Variants in TMEM213 observed in about 807,000 individuals in gnomAD.
TMEM213 encodes transmembrane protein 213.
A neutral mutation model predicts 11.6 loss-of-function variants in TMEM213; 7 were observed. That is an observed-to-expected ratio of 0.60 (90% CI 0.34 to 1.13). The LOEUF (loss-of-function observed/expected upper bound fraction) is 1.13, where lower values mean the gene tolerates loss of function less well. Ranked by LOEUF, TMEM213 falls within the 50% of genes most tolerant of loss-of-function variation. TMEM213 has a pLI of 0.03. For synonymous variants in TMEM213, 60 were observed against 58.3 expected, an observed-to-expected ratio of 1.03 and a Z score of -0.13; for missense variants, 129 against 139.0, an observed-to-expected ratio of 0.93 and a Z score of 0.36.
In TMEM213 at chr7:138,806,715, T is replaced by A. The variant is rs1279627713; in HGVS notation, c.*3646T>A. On this transcript the variant is annotated 3_prime_UTR_variant, in exon 3 of 3. Transcript: ENST00000442682. ...CAGAGTCCATATTATATGGGGCATG[T>A]CTGTATCAAAATGTCATATGTAGAA... 6.6e-6 allele frequency: 1 copy of A among 152,278 alleles called. No homozygotes were observed. The highest frequency in any genetic ancestry group is 1.5e-5 in the Non-Finnish European group (1 of 68,054). 9.4% of individuals were successfully genotyped at this position (152,278 alleles called of 1,614,324 possible).
At chr7:138,799,277 C>T (rs1263387376) in intron 1 of TMEM213, 1 of 152,134 alleles carries the variant, frequency 6.6e-6, no homozygotes, top group Admixed American at 6.5e-5. Context: ...CAACTTCACC[C>T]CTCCCCAAAT....
At position 138,803,574 on chromosome 7, in the gene TMEM213, T is replaced by G. The variant is rs971033655; in HGVS notation, c.*505T>G. On this transcript the variant is annotated 3_prime_UTR_variant, in exon 3 of 3. Transcript: ENST00000442682. ...GGGCAGATCACTCAAGGTCAGGAGTTCCAGATCAGCCTGGCCAACATGGTG... is the reference window on the plus strand; with the variant it reads ...GGGCAGATCACTCAAGGTCAGGAGTGCCAGATCAGCCTGGCCAACATGGTG... 6.3e-6 allele frequency: 1 copy of G among 159,940 alleles called. No individual in the cohort carries two copies. The highest frequency in any genetic ancestry group is 1.4e-5 in the Non-Finnish European group (1 of 72,782). 9.9% of individuals were successfully genotyped at this position (159,940 alleles called of 1,614,324 possible).
At position 138,805,196 on chromosome 7, in the gene TMEM213, G is replaced by A. The variant is rs2130272962; in HGVS notation, c.*2127G>A. On this transcript the variant is annotated 3_prime_UTR_variant, in exon 3 of 3. Coordinates refer to ENST00000442682, the MANE Select transcript of TMEM213 (RefSeq NM_001085429.2). Reference sequence around the variant, plus strand: ...AATGATCACATACATAAAAGAGTCTGAGCCTGAGCAACATAATGAGACCCT... The same window carrying A: ...AATGATCACATACATAAAAGAGTCTAAGCCTGAGCAACATAATGAGACCCT... 1 of 144,966 alleles carries A rather than the reference G, an allele frequency of 6.9e-6. No homozygotes were observed. The highest frequency in any genetic ancestry group is 1.5e-5 in the Non-Finnish European group (1 of 67,104). The allele number at this position is 144,966 out of a possible 1,614,324, so 9.0% of individuals were successfully genotyped here.
At position 138,798,199 on chromosome 7, in the gene TMEM213, G is replaced by A. The variant is rs751086058; in HGVS notation, c.82+13G>A. On this transcript the variant is annotated intron_variant, in intron 1 of 2. Transcript: ENST00000442682. ...GCTTGCTCGGCAGGTAGCGTTATGAGCTTTATTCATGGCCAGGCTGGGAAG... is the reference window on the plus strand; with the variant it reads ...GCTTGCTCGGCAGGTAGCGTTATGAACTTTATTCATGGCCAGGCTGGGAAG... The A allele has an allele frequency of 1.9e-6, 3 of 1,580,484 alleles. No individual in the cohort carries two copies. The East Asian group carries it at 6.9e-5, about 37-fold the overall frequency.
chr7:138,800,089 A>G (rs1243536066), intron 1 of TMEM213, among the ~76,000 whole-genome samples: 1 of 151,896 alleles, frequency 6.6e-6, no homozygotes, highest in African/African-American at 2.4e-5. Context: ...CTTGGTTTCC[A>G]TCTACCTAGG....
At chr7:138,799,439 C>T (rs1584962649) in intron 1 of TMEM213, 3 of 152,330 alleles carry the variant, frequency 2.0e-5, no homozygotes, top group Admixed American at 6.5e-5. Flanking sequence ...GTCCCTCCCT[C>T]GCTTCTGGCT....
chr7:138,801,352 C>T lies in TMEM213; in HGVS notation c.108C>T (p.Ser36=). The change falls in exon 2 of 3, where the codon AGC becomes AGT. Residue 36 remains serine (S), a synonymous_variant. Coordinates refer to ENST00000442682, the MANE Select transcript of TMEM213 (RefSeq NM_001085429.2). ...SAEASSSNSS[S]LTAHHPDPGT... ...AAGCAAGCAGCAGCAACAGCTCAAG[C>T]TTGACCGCTCACCACCCAGACCCTG... 2.5e-6 allele frequency: 4 copies of T among 1,611,800 alleles called. No homozygotes were observed. The highest frequency in any genetic ancestry group is 3.4e-6 in the Non-Finnish European group (4 of 1,179,072).
chr7:138,799,498 C>A (rs569472008), intron 1 of TMEM213: 1 of 152,142 alleles, frequency 6.6e-6, no homozygotes, highest in Non-Finnish European at 1.5e-5. Flanking sequence ...GAATTTTCAC[C>A]GGGGCTATTC....
Position 138,805,729 on chromosome 7 carries a change from C to A in TMEM213, c.*2660C>A, listed in dbSNP as rs1283087352. On this transcript the variant is annotated 3_prime_UTR_variant, in exon 3 of 3. Transcript: ENST00000442682. ...ACACGTGGAAAATAGAAGAATTGGA[C>A]CAAATCAGCAGTTTCAAGCTGAGTT... The A allele has an allele frequency of 6.6e-6, 1 of 152,178 alleles. No individual in the cohort carries two copies. The highest frequency in any genetic ancestry group is 2.4e-5 in the African/African-American group (1 of 41,436). The allele number at this position is 152,178 out of a possible 1,614,324, so 9.4% of individuals were successfully genotyped here.
intron 2 of TMEM213, among the ~76,000 whole-genome samples, chr7:138,802,165 CAA>C (rs5887905): frequency 1.3e-5 from 2 of 149,916 alleles, no homozygotes; most frequent in African/African-American, 4.9e-5. Flanking sequence ...GACTCCCTCT[CAA>C]AAAAAAAAGA....
intron 1 of TMEM213, among the ~76,000 whole-genome samples, chr7:138,800,606 T>C (rs1333234762): frequency 1.3e-5 from 2 of 152,074 alleles, no homozygotes; most frequent in Non-Finnish European, 2.9e-5. Flanking sequence ...CCTCCCTCCT[T>C]GGGTTGCAAA....
Position 138,798,115 on chromosome 7 carries a change from T to G in TMEM213, c.11T>G (p.Leu4Arg). Residue 4 changes from leucine to arginine, a missense_variant, in exon 1 of 3, where the codon CTC becomes CGC. Transcript: ENST00000442682. Reference sequence around the variant, plus strand: ...AGCACAGCCTCCAGCATGCAGCGCCTCCCCGCTGCCACCCGGGCCACCCTG... The same window carrying G: ...AGCACAGCCTCCAGCATGCAGCGCCGCCCCGCTGCCACCCGGGCCACCCTG... MQRLPAATRATLIL... is the reference protein window; with the variant it reads MQRRPAATRATLIL... The G allele has an allele frequency of 1.3e-6, 2 of 1,598,730 alleles. No individual in the cohort carries two copies. The highest frequency in any genetic ancestry group is 1.7e-6 in the Non-Finnish European group (2 of 1,173,382).
rs1456909832 is a variant in TMEM213 at position 138,801,502 on chromosome 7, G to A, written c.154+104G>A. 4 of 1,060,984 alleles carry A rather than the reference G, an allele frequency of 3.8e-6. No homozygotes were observed. The African/African-American group carries it at 4.8e-5, about 13-fold the overall frequency. The allele number at this position is 1,060,984 out of a possible 1,614,324, so 65.7% of individuals were successfully genotyped here. A position where few individuals can be genotyped will look rare whatever the true frequency, so the allele number is the denominator to read the frequency against. On this transcript the variant is annotated intron_variant, in intron 2 of 2. Transcript: ENST00000442682. ...CGTTGATTGGTGTCAAGTGGGCAAGGGCCTGCCTGGCCTTCCTGTGCACCA... is the reference window on the plus strand; with the variant it reads ...CGTTGATTGGTGTCAAGTGGGCAAGAGCCTGCCTGGCCTTCCTGTGCACCA...
chr7:138,802,956 G>A lies in TMEM213; in HGVS notation c.211G>A (p.Gly71Ser), dbSNP rs201459325. 2.2e-4 allele frequency: 360 copies of A among 1,612,248 alleles called. 1 individual carries two copies. The highest frequency in any genetic ancestry group is 3.3e-4 in the Middle Eastern group (2 of 6,080). The change falls in exon 3 of 3, where the codon GGC (glycine) becomes AGC (serine). Residue 71 changes from glycine to serine, a missense_variant. Physicochemically the swap from Gly to Ser is moderately conservative, Grantham distance 56 (BLOSUM62 0). Transcript: ENST00000442682. ...CTGCCGCACAGGAGTGGACGAGTACGGCTGGATCGCGGCAGCTGTTGGCTG... is the reference window on the plus strand; with the variant it reads ...CTGCCGCACAGGAGTGGACGAGTACAGCTGGATCGCGGCAGCTGTTGGCTG... ...RCCRTGVDEYGWIAAAVGWSL... is the reference protein window; with the variant it reads ...RCCRTGVDEYSWIAAAVGWSL...
At chr7:138,802,287 T>G (rs193024309) in intron 2 of TMEM213, among the ~76,000 whole-genome samples, 2 of 152,322 alleles carry the variant, frequency 1.3e-5, no homozygotes, top group East Asian at 3.9e-4. Context: ...TGGTGGCTCA[T>G]GCCTGTAATA....
At chr7:138,798,594 C>T (rs1357248472) in intron 1 of TMEM213, among the ~76,000 whole-genome samples, 1 of 152,174 alleles carries the variant, frequency 6.6e-6, no homozygotes, top group Non-Finnish European at 1.5e-5. Flanking sequence ...TCCCTGTGCA[C>T]ATTTGTGTCT....
chr7:138,798,770 G>A (rs990105296), intron 1 of TMEM213, among the ~76,000 whole-genome samples: 1 of 152,158 alleles, frequency 6.6e-6, no homozygotes, highest in African/African-American at 2.4e-5. Flanking sequence ...TGTGGAGGCT[G>A]GAAGGCTGAT....
intron 2 of TMEM213, among the ~76,000 whole-genome samples, chr7:138,802,545 T>A (rs1241100243): frequency 2.1e-5 from 3 of 140,814 alleles, no homozygotes; most frequent in Admixed American, 7.1e-5. Context: ...AGTGAGACTC[T>A]GTCTCAAAAA....
In TMEM213 at chr7:138,798,810, G is replaced by A. The variant is rs754805411; in HGVS notation, c.82+624G>A. ...ATCCCCTGCCTTGCCCTGCCAGGCC[G>A]GGTTCTGCAACTCACGGCAGAGGGA... On this transcript the variant is annotated intron_variant, in intron 1 of 2. Coordinates refer to ENST00000442682, the MANE Select transcript of TMEM213 (RefSeq NM_001085429.2). 6.6e-5 allele frequency among the ~76,000 whole-genome samples: 10 copies of A among 152,086 alleles called. No homozygotes were observed. The East Asian group carries it at 7.7e-4, about 12-fold the overall frequency.
Sources: gnomAD v4.1 joint callset for allele counts (sites outside exome capture counted in the v4.1 genomes callset) on GRCh38, gnomAD v4.1.1 for gene constraint, MANE v1.5 for transcripts, NCBI Gene and HGNC (gene_info 2026-07-23, HGNC 2026-07-21) for gene names.